The following ETV1 variants were observed in gnomAD, a reference collection of about 807,000 sequenced individuals.
ETV1 encodes the protein ETS translocation variant 1.
Under a neutral mutation model 62.3 loss-of-function variants are expected in ETV1, and 27 were observed. The ratio of observed to expected loss-of-function variants is 0.43; its 90% CI spans 0.32 to 0.60. ETV1 has a LOEUF of 0.60. Among genes scored for constraint, ETV1 ranks in the 20% least tolerant of loss-of-function variants. The pLI is 0.06. For missense variants in ETV1, 605 were observed against 605.8 expected (o/e 1.00, Z 0.01); for synonymous variants, 222 against 199.6 (o/e 1.11, Z -0.94).
Position 13,891,410 on chromosome 7 carries a change from T to C in ETV1, c.*4456A>G, listed in dbSNP as rs2128394135. Reference sequence around the variant, plus strand: ...ATTTTAGAATGAAAGTAACTAATACTGGAGTCTATATGCAAAAAAGACCCT... The same window carrying C: ...ATTTTAGAATGAAAGTAACTAATACCGGAGTCTATATGCAAAAAAGACCCT... On this transcript the variant is annotated 3_prime_UTR_variant, in exon 14 of 14. Coordinates refer to ENST00000430479, the MANE Select transcript of ETV1 (RefSeq NM_004956.5). 4.3e-6 allele frequency: 1 copy of C among 231,754 alleles called. No homozygotes were observed. 14.4% of individuals were successfully genotyped at this position (231,754 alleles called of 1,614,324 possible).
chr7:13,891,976 C>CA lies in ETV1; in HGVS notation c.*3889dup, dbSNP rs1264960023. 4 of 231,770 alleles carry CA rather than the reference C, an allele frequency of 1.7e-5. No individual in the cohort carries two copies. The highest frequency in any genetic ancestry group is 5.6e-5 in the Admixed American group (1 of 17,744). The allele number at this position is 231,770 out of a possible 1,614,324, so 14.4% of individuals were successfully genotyped here. A position where few individuals can be genotyped will look rare whatever the true frequency, so the allele number is the denominator to read the frequency against. ...AGCTCTGAAAAGGCTGCATGATAGA[C>CA]AAAGTGGCTCATTTTAGAAATCCCT... is the stretch of plus-strand genomic sequence containing the variant. On this transcript the variant is annotated 3_prime_UTR_variant, in exon 14 of 14. Transcript: ENST00000430479.
At chr7:13,987,461 A>G (rs1782650204) in intron 4 of ETV1, among the ~76,000 whole-genome samples, 1 of 152,174 alleles carries the variant, frequency 6.6e-6, no homozygotes, top group South Asian at 2.1e-4. Flanking sequence ...ATAATTTGTA[A>G]CATACTGACA....
At chr7:13,914,719 G>A (rs1175022265) in intron 9 of ETV1, among the ~76,000 whole-genome samples, 1 of 151,890 alleles carries the variant, frequency 6.6e-6, no homozygotes, top group Non-Finnish European at 1.5e-5. Context: ...CTTTACCAAA[G>A]GTTTGACCAC....
intron 9 of ETV1, among the ~76,000 whole-genome samples, chr7:13,919,547 AC>A (rs1784578763): frequency 7.0e-6 from 1 of 142,466 alleles, no homozygotes; most frequent in African/African-American, 2.7e-5. Context: ...ATTGTTAGAA[AC>A]AACTAAATAG....
chr7:13,944,110 A>G lies in ETV1; in HGVS notation c.236-4864T>C, dbSNP rs76277284. On this transcript the variant is annotated intron_variant, in intron 6 of 13. Coordinates refer to ENST00000430479, the MANE Select transcript of ETV1 (RefSeq NM_004956.5). ...GTCCATTAGCATGGACCTAGAAGCA[A>G]AAGGCATGATCCATGCTAGTGGAAA... Among the ~76,000 whole-genome samples, 51 of 152,312 alleles carry G rather than the reference A, an allele frequency of 3.3e-4. 1 individual carries two copies. In the East Asian group the frequency reaches 9.3e-3, roughly 28 times the overall value.
intron 9 of ETV1, among the ~76,000 whole-genome samples, chr7:13,923,034 A>C (rs1169261525): frequency 6.6e-6 from 1 of 152,230 alleles, no homozygotes; most frequent in Non-Finnish European, 1.5e-5. Context: ...CAATAGTAAT[A>C]GTTTAGAAAT....
At chr7:13,989,823 C>A (rs1006964185), upstream of ETV1, 12 of 383,076 alleles carry the variant, frequency 3.1e-5, no homozygotes, top group Non-Finnish European at 5.5e-5. Flanking sequence ...CCGCGGGTCT[C>A]CCTCGCCCCT....
chr7:13,948,907 T>G (rs1788475893), intron 6 of ETV1, among the ~76,000 whole-genome samples: 1 of 152,132 alleles, frequency 6.6e-6, no homozygotes, highest in African/African-American at 2.4e-5. Flanking sequence ...ACCAAAAATG[T>G]GCAGCCTTGT....
At chr7:13,901,326 C>T (rs572188243) in intron 12 of ETV1, among the ~76,000 whole-genome samples, 10 of 151,952 alleles carry the variant, frequency 6.6e-5, no homozygotes, top group Non-Finnish European at 1.3e-4. Flanking sequence ...TTAAACCAGG[C>T]GTGCAGTGAT....
intron 9 of ETV1, among the ~76,000 whole-genome samples, chr7:13,926,883 A>G (rs1484342058): frequency 1.3e-5 from 2 of 152,038 alleles, no homozygotes; most frequent in Non-Finnish European, 2.9e-5. Flanking sequence ...TTTATACTCT[A>G]CTAACATACT....
chr7:13,955,849 GA>G (rs1789374071), intron 6 of ETV1, among the ~76,000 whole-genome samples: 1 of 152,002 alleles, frequency 6.6e-6, no homozygotes, highest in Non-Finnish European at 1.5e-5. Flanking sequence ...TTTTCTACAA[GA>G]ACACATCTCT....
intron 9 of ETV1, among the ~76,000 whole-genome samples, chr7:13,927,175 G>A (rs1048946710): frequency 6.6e-6 from 1 of 152,272 alleles, no homozygotes; most frequent in Non-Finnish European, 1.5e-5. Flanking sequence ...ACGGCAGGGT[G>A]CAGTGGCTCA....
chr7:13,982,349 C>T (rs1410218287), intron 5 of ETV1, among the ~76,000 whole-genome samples: 2 of 151,948 alleles, frequency 1.3e-5, no homozygotes, highest in African/African-American at 4.8e-5. Context: ...TTTCCTATAA[C>T]TGAAATAGAA....
At chr7:13,968,513 T>C (rs1378999928) in intron 6 of ETV1, among the ~76,000 whole-genome samples, 1 of 151,066 alleles carries the variant, frequency 6.6e-6, no homozygotes, top group African/African-American at 2.4e-5. Flanking sequence ...GTATACAGAA[T>C]ATAAGTATTG....
Position 13,928,847 on chromosome 7 carries a change from A to G in ETV1, c.802+2655T>C, listed in dbSNP as rs147868555. Among the ~76,000 whole-genome samples, 731 of 151,938 alleles carry G rather than the reference A, an allele frequency of 4.8e-3. 2 individuals carry two copies. The highest frequency in any genetic ancestry group is 0.017 in the African/African-American group (686 of 41,436). On this transcript the variant is annotated intron_variant, in intron 9 of 13. Coordinates refer to ENST00000430479, the MANE Select transcript of ETV1 (RefSeq NM_004956.5). ...GTGGTGGGTGCCTGTAATCCCAGTT[A>G]CTCGGGAGGCTGAGGCAGGAGAATT...
intron 6 of ETV1, among the ~76,000 whole-genome samples, chr7:13,962,852 A>G (rs1260122778): frequency 6.6e-6 from 1 of 152,116 alleles, no homozygotes; most frequent in Non-Finnish European, 1.5e-5. Flanking sequence ...TAAATTTTCC[A>G]TTTTTCTTTT....
Position 13,975,968 on chromosome 7 carries a change from A to G in ETV1, c.235+1459T>C, listed in dbSNP as rs75383310. Among the ~76,000 whole-genome samples, 599 of 152,306 alleles carry G rather than the reference A, an allele frequency of 3.9e-3. 3 individuals are homozygous for G. The highest frequency in any genetic ancestry group is 0.013 in the African/African-American group (552 of 41,572). ...AAAGAAGAATTCAATTGCCCATAGGAAGGGAAATGTTGGCAATATGACATT... is the reference window on the plus strand; with the variant it reads ...AAAGAAGAATTCAATTGCCCATAGGGAGGGAAATGTTGGCAATATGACATT... On this transcript the variant is annotated intron_variant, in intron 6 of 13. Transcript: ENST00000430479.
chr7:13,931,138 T>G (rs1157361806), intron 9 of ETV1, among the ~76,000 whole-genome samples: 1 of 151,930 alleles, frequency 6.6e-6, no homozygotes, highest in Non-Finnish European at 1.5e-5. Flanking sequence ...CAGAAGAATA[T>G]TACTTTCTGT....
chr7:13,894,622 G>A lies in ETV1; in HGVS notation c.*1244C>T, dbSNP rs762422710. 16 of 232,384 alleles carry A rather than the reference G, an allele frequency of 6.9e-5. No individual in the cohort carries two copies. Among genetic ancestry groups the A allele is most frequent in the African/African-American group, 4.4e-5 (2 of 45,410 alleles). 14.4% of individuals were successfully genotyped at this position (232,384 alleles called of 1,614,324 possible). ...AAAGCTGCTTATAGCATAGCATGGC[G>A]TAAGCTATTTTTTAAGCAATAAATG... On this transcript the variant is annotated 3_prime_UTR_variant, in exon 14 of 14. Transcript: ENST00000430479.
Sources: allele counts gnomAD v4.1 joint callset (sites outside exome capture counted in the v4.1 genomes callset), GRCh38; gene constraint gnomAD v4.1.1; transcripts MANE v1.5; gene names NCBI Gene and HGNC (gene_info 2026-07-23, HGNC 2026-07-21).